The following DIS3L2 variants were observed in gnomAD, a reference collection of about 807,000 sequenced individuals.
The protein encoded by DIS3L2 is DIS3 like 3'-5' exoribonuclease 2, also known as DIS3-like exonuclease 2.
In DIS3L2, 34 loss-of-function variants were observed where a neutral mutation model predicts 97.5. That is an observed-to-expected ratio of 0.35 (90% CI 0.27 to 0.46). The LOEUF (loss-of-function observed/expected upper bound fraction) is 0.46. DIS3L2 is among the 20% of genes least tolerant of loss of function. The pLI, the probability that DIS3L2 is intolerant of heterozygous loss-of-function variation, is 1.00. For synonymous variants in DIS3L2, 435 were observed against 445.2 expected (o/e 0.98, Z 0.29); for missense variants, 1,038 against 1,146.0 (o/e 0.91, Z 1.36).
chr2:232,329,631 A>G, intron 14 of DIS3L2, 182 bp from the exon 15 acceptor site: 1 of 581,800 alleles, frequency 1.7e-6, no homozygotes, highest in Non-Finnish European at 2.9e-6. Flanking sequence ...CAGGGAGACC[A>G]TGGGGGTGCT....
rs1694648408 is a variant in DIS3L2 at position 232,293,345 on chromosome 2, A to G, written c.1660-6695A>G. Among the ~76,000 whole-genome samples, 1 of 152,216 alleles carries G rather than the reference A, an allele frequency of 6.6e-6. No homozygotes were observed. The highest frequency in any genetic ancestry group is 2.4e-5 in the African/African-American group (1 of 41,452). On this transcript the variant is annotated intron_variant, in intron 13 of 20. Coordinates refer to ENST00000325385, the MANE Select transcript of DIS3L2 (RefSeq NM_152383.5). This position sits in a 1 kb window ranked among gnomAD's most constrained non-coding sequence, Gnocchi z 4.6. The stretch of plus-strand genomic sequence containing the variant: ...AATGACATTGGACACCTGCTGTGAC[A>G]GTGATAAGGACACCGATTGCCCAGG...
At chr2:231,965,107 A>G (rs1244218812) in intron 1 of DIS3L2, among the ~76,000 whole-genome samples, 1 of 152,228 alleles carries the variant, frequency 6.6e-6, no homozygotes, top group Non-Finnish European at 1.5e-5. Flanking sequence ...GACATCTAAA[A>G]TAGTGAAGTT....
intron 12 of DIS3L2, among the ~76,000 whole-genome samples, chr2:232,257,317 G>A (rs778580091): frequency 5.3e-5 from 8 of 152,174 alleles, no homozygotes; most frequent in South Asian, 4.2e-4. Context: ...GCAAGTTTGC[G>A]TCCTTTCCAC....
At chr2:232,206,034 TG>T (rs1226794677) in intron 9 of DIS3L2, among the ~76,000 whole-genome samples, 1 of 152,186 alleles carries the variant, frequency 6.6e-6, no homozygotes, top group Non-Finnish European at 1.5e-5. Flanking sequence ...GGGGTAGGCT[TG>T]GTGGCAAAGC....
At chr2:232,107,095 C>CAACT (rs1165503340) in intron 6 of DIS3L2, among the ~76,000 whole-genome samples, 3 of 152,106 alleles carry the variant, frequency 2.0e-5, no homozygotes, top group African/African-American at 4.8e-5. Context: ...CTCTGGGATG[C>CAACT]AACTAACGCA....
intron 16 of DIS3L2, among the ~76,000 whole-genome samples, chr2:232,333,107 C>T (rs1695796813): frequency 6.6e-6 from 1 of 151,742 alleles, no homozygotes; most frequent in African/African-American, 2.4e-5. Flanking sequence ...TCTTCCTCCT[C>T]CTCATTGTCC....
At chr2:232,165,216 C>T (rs905887610) in intron 9 of DIS3L2, among the ~76,000 whole-genome samples, 7 of 152,024 alleles carry the variant, frequency 4.6e-5, no homozygotes, top group Non-Finnish European at 8.8e-5. Flanking sequence ...TGCAGCTCTG[C>T]AAAAAGGAGC....
At chr2:232,118,975 T>G (rs1222901443) in intron 6 of DIS3L2, among the ~76,000 whole-genome samples, 2 of 152,210 alleles carry the variant, frequency 1.3e-5, no homozygotes, top group Non-Finnish European at 2.9e-5. Context: ...TTTCCCTTAA[T>G]TCACTTGGTA....
intron 5 of DIS3L2, among the ~76,000 whole-genome samples, chr2:232,038,329 C>T (rs1695012209): frequency 6.6e-6 from 1 of 152,100 alleles, no homozygotes; most frequent in Non-Finnish European, 1.5e-5. Flanking sequence ...AAGATGGTGG[C>T]ATCTTTTACC....
At chr2:232,071,104 T>C (rs1330812976) in intron 5 of DIS3L2, among the ~76,000 whole-genome samples, 1 of 152,060 alleles carries the variant, frequency 6.6e-6, no homozygotes, top group East Asian at 1.9e-4. Flanking sequence ...TCTATTTTTC[T>C]TTTTTTTCTT....
rs139390744 is a variant in DIS3L2 at position 232,120,602 on chromosome 2, G to C, written c.602-10017G>C. On this transcript the variant is annotated intron_variant, in intron 6 of 20. Transcript: ENST00000325385. ...TGGCATGTTCAAGGCCGTTGTTTTG[G>C]GATGTCATTCGCTTTCAGGCCTCCC... 2.0e-5 allele frequency among the ~76,000 whole-genome samples: 3 copies of C among 152,232 alleles called. No homozygotes were observed. In the East Asian group the frequency reaches 5.8e-4, roughly 29 times the overall value.
At chr2:231,974,131 C>T (rs1693005071) in intron 1 of DIS3L2, among the ~76,000 whole-genome samples, 1 of 152,044 alleles carries the variant, frequency 6.6e-6, no homozygotes, top group Non-Finnish European at 1.5e-5. Flanking sequence ...CCTTTGAAGT[C>T]TGTGAGGGTG....
At chr2:232,274,115 A>T (rs1343943752) in intron 13 of DIS3L2, among the ~76,000 whole-genome samples, 1 of 152,180 alleles carries the variant, frequency 6.6e-6, no homozygotes, top group Non-Finnish European at 1.5e-5. Context: ...TCCAGGGGAC[A>T]TGAAGTGAGA....
chr2:232,245,272 G>A (rs191933846), intron 11 of DIS3L2, among the ~76,000 whole-genome samples: 4 of 152,288 alleles, frequency 2.6e-5, no homozygotes, highest in African/African-American at 9.6e-5. Context: ...TGACCTGGGT[G>A]CATGGACTGT....
intron 4 of DIS3L2, among the ~76,000 whole-genome samples, chr2:232,025,652 G>A (rs1294313554): frequency 2.6e-5 from 4 of 152,132 alleles, no homozygotes; most frequent in East Asian, 1.9e-4. Context: ...TTGGCTGCAC[G>A]AACAGTTCTC....
rs530599806 is a variant in DIS3L2 at position 232,158,683 on chromosome 2, C to G, written c.951-4776C>G. Reference sequence around the variant, plus strand: ...GAAATTTCTTTTTTTCTTTTCCAAACAGCACTGGTCTTTTGTGCTTACAAA... The same window carrying G: ...GAAATTTCTTTTTTTCTTTTCCAAAGAGCACTGGTCTTTTGTGCTTACAAA... On this transcript the variant is annotated intron_variant, in intron 8 of 20. Coordinates refer to ENST00000325385, the MANE Select transcript of DIS3L2 (RefSeq NM_152383.5). Among the ~76,000 whole-genome samples the G allele has an allele frequency of 1.1e-4, 17 of 152,138 alleles. No individual in the cohort carries two copies. The South Asian group carries it at 3.3e-3, about 30-fold the overall frequency.
Position 232,030,018 on chromosome 2 carries a change from C to G in DIS3L2, c.304C>G (p.Arg102Gly). The change falls in exon 5 of 21, where the codon CGT becomes GGT. Residue 102 changes from arginine to glycine, a missense_variant. Arg to Gly is a moderately radical substitution (Grantham distance 125, BLOSUM62 -2). Coordinates refer to ENST00000325385, the MANE Select transcript of DIS3L2 (RefSeq NM_152383.5). ...RDIFIDGVVA[R>G]NRALNGDLVV... ...CATTTTTATTGATGGGGTTGTTGCT[C>G]GTAATAGAGCCTTAAATGGGGATCT... The G allele has an allele frequency of 6.2e-7, 1 of 1,607,812 alleles. No homozygotes were observed. Among genetic ancestry groups the G allele is most frequent in the Non-Finnish European group, 8.5e-7 (1 of 1,177,600 alleles).
rs1694308183 is a variant in DIS3L2, at chr2:232,014,863, G to T, written c.-65G>T. On this transcript the variant is annotated 5_prime_UTR_variant, in exon 2 of 21. Transcript: ENST00000325385. ...ATGACAACAGAGCTGCTCAAGGCGG[G>T]AACTCTGAGCTAAGCAGTGGAGGTT... is the stretch of plus-strand genomic sequence containing the variant. 1 of 1,558,490 alleles carries T rather than the reference G, an allele frequency of 6.4e-7. No homozygotes were observed.
At chr2:231,987,619 G>A (rs546113757) in intron 1 of DIS3L2, among the ~76,000 whole-genome samples, 6 of 152,300 alleles carry the variant, frequency 3.9e-5, no homozygotes, top group African/African-American at 9.6e-5. Context: ...GAAGGCATGC[G>A]TAAGCACTGG....
Sources: gnomAD v4.1 joint callset for allele counts (sites outside exome capture counted in the v4.1 genomes callset) on GRCh38, gnomAD v4.1.1 for gene constraint, Gnocchi (gnomAD v3.1) non-coding constraint, MANE v1.5 for transcripts, NCBI Gene and HGNC (gene_info 2026-07-23, HGNC 2026-07-21) for gene names.